Variants in PPP1R1C observed in about 807,000 individuals in gnomAD.
PPP1R1C encodes the protein protein phosphatase 1 regulatory inhibitor subunit 1C, also known as protein phosphatase 1 regulatory subunit 1C.
In PPP1R1C, 15 loss-of-function variants were observed where a neutral mutation model predicts 17.4. The ratio of observed to expected loss-of-function variants is 0.86; its 90% CI spans 0.58 to 1.33. PPP1R1C has a LOEUF of 1.33. Ranked by LOEUF, PPP1R1C falls within the 40% of genes most tolerant of loss-of-function variation. PPP1R1C has a pLI of 0.00. For missense variants in PPP1R1C, 143 were observed against 130.0 expected (o/e 1.10, Z -0.48); for synonymous variants, 35 against 43.1 (o/e 0.81, Z 0.73).
intron 2 of PPP1R1C, among the ~76,000 whole-genome samples, chr2:181,978,903 G>A (rs1050179114): frequency 3.9e-5 from 6 of 152,102 alleles, no homozygotes; most frequent in African/African-American, 1.2e-4. Context: ...CCTAGCTTTT[G>A]AGTCATTCTT....
At chr2:181,980,725 T>C (rs1273105379) in intron 2 of PPP1R1C, among the ~76,000 whole-genome samples, 1 of 152,176 alleles carries the variant, frequency 6.6e-6, no homozygotes, top group Non-Finnish European at 1.5e-5. Flanking sequence ...ATTGAGTGAC[T>C]ACTCAGGAAA....
Position 182,050,235 on chromosome 2 carries a change from GT to G in PPP1R1C, c.143-11204del, listed in dbSNP as rs1687469068. ...AGTTTTATATAGATTATCCCCTATA[GT>G]TTCTACTCAGTTTTCTAGTAACTAT... On this transcript the variant is annotated intron_variant, in intron 2 of 4. Coordinates refer to ENST00000682840, the MANE Select transcript of PPP1R1C (RefSeq NM_001080545.3). Among the ~76,000 whole-genome samples the G allele has an allele frequency of 2.6e-5, 4 of 152,178 alleles. 2 individuals are homozygous for G. In the South Asian group the frequency reaches 8.3e-4, roughly 31 times the overall value.
intron 2 of PPP1R1C, among the ~76,000 whole-genome samples, chr2:182,025,174 AATTATT>A (rs533389640): frequency 3.7e-4 from 55 of 147,566 alleles, no homozygotes; most frequent in African/African-American, 8.4e-4. Context: ...AAGTAAATAA[AATTATT>A]ATTATTATTA....
chr2:182,006,127 G>A (rs1050258428), intron 2 of PPP1R1C, among the ~76,000 whole-genome samples: 1 of 152,094 alleles, frequency 6.6e-6, no homozygotes, highest in Non-Finnish European at 1.5e-5. Flanking sequence ...TGAATTGAGG[G>A]ATGAAGGGTC....
rs1212178735 is a variant in PPP1R1C at position 182,028,044 on chromosome 2, G to A, written c.143-33398G>A. 1.5e-3 allele frequency among the ~76,000 whole-genome samples: 195 copies of A among 128,034 alleles called. 1 individual carries two copies. The highest frequency in any genetic ancestry group is 5.5e-3 in the African/African-American group (185 of 33,578). The allele number at this position is 128,034 out of a possible 152,430, so 84.0% of individuals were successfully genotyped here. On this transcript the variant is annotated intron_variant, in intron 2 of 4. Coordinates refer to ENST00000682840, the MANE Select transcript of PPP1R1C (RefSeq NM_001080545.3). The stretch of plus-strand genomic sequence containing the variant: ...CTGATGGTAGTTTGTATTTCTGTGG[G>A]ATCGGTGGTGATATCCCCTTTATCA...
chr2:182,015,457 A>G (rs1686235233), intron 2 of PPP1R1C, among the ~76,000 whole-genome samples: 1 of 152,098 alleles, frequency 6.6e-6, no homozygotes, highest in Non-Finnish European at 1.5e-5. Context: ...GCAGTGTGCA[A>G]ATGGACTAAT....
intron 5 of PPP1R1C, among the ~76,000 whole-genome samples, chr2:182,127,094 A>G (rs1689893539): frequency 6.6e-6 from 1 of 152,112 alleles, no homozygotes; most frequent in Non-Finnish European, 1.5e-5. Context: ...ACAGAATATT[A>G]GAGTATATTC....
chr2:182,074,041 CTTTTTT>C (rs554848749), intron 4 of PPP1R1C, among the ~76,000 whole-genome samples: 1 of 131,160 alleles, frequency 7.6e-6, no homozygotes. Flanking sequence ...AATTCTTCTT[CTTTTTT>C]TTTTTTTTTT....
chr2:182,072,874 A>G lies in PPP1R1C; in HGVS notation c.241+9083A>G, dbSNP rs559927404. On this transcript the variant is annotated intron_variant, in intron 4 of 4. Transcript: ENST00000682840. ...TCTCCAGCTTCTCTCCCTCTCCCAG[A>G]CAGCTGACCACACAAATCTGACTGT... is the stretch of plus-strand genomic sequence containing the variant. 2.0e-4 allele frequency among the ~76,000 whole-genome samples: 31 copies of G among 152,258 alleles called. 1 individual carries two copies. Among genetic ancestry groups the G allele is most frequent in the African/African-American group, 6.3e-4 (26 of 41,550 alleles).
At chr2:182,001,874 C>T (rs1438600968) in intron 2 of PPP1R1C, among the ~76,000 whole-genome samples, 2 of 152,118 alleles carry the variant, frequency 1.3e-5, no homozygotes, top group African/African-American at 4.8e-5. Context: ...TCCTTTCCCT[C>T]ACCTTATACA....
Position 182,026,658 on chromosome 2 carries a change from C to T in PPP1R1C, c.143-34784C>T, listed in dbSNP as rs1248052947. On this transcript the variant is annotated intron_variant, in intron 2 of 4. Transcript: ENST00000682840. ...TCAGGTAGTGTGATGCCTCCAGCTT[C>T]GTTCTTTTGGCTTAGGATTGACTTG... Among the ~76,000 whole-genome samples, 193 of 152,188 alleles carry T rather than the reference C, an allele frequency of 1.3e-3. 1 individual carries two copies. Among genetic ancestry groups the T allele is most frequent in the African/African-American group, 4.2e-3 (174 of 41,526 alleles).
intron 3 of PPP1R1C, 91 bp from the exon 4 acceptor site, chr2:182,063,640 C>G: frequency 1.0e-6 from 1 of 962,974 alleles, no homozygotes; most frequent in Non-Finnish European, 1.7e-6. Context: ...CTTTTCATAA[C>G]ATGGCACAGT....
intron 5 of PPP1R1C, among the ~76,000 whole-genome samples, chr2:182,124,327 G>GTTTTTTTTTTGTTTTTTTTTTTTTTT (rs1689816316): frequency 1.2e-5 from 1 of 83,008 alleles, no homozygotes; most frequent in Non-Finnish European, 2.2e-5. Flanking sequence ...TTTTTTTTTT[G>GTTTTTTTTTTGTTTTTTTTTTTTTTT]TTTTTTTTTT....
intron 4 of PPP1R1C, chr2:182,103,492 T>C (rs554014258): frequency 6.6e-6 from 1 of 152,202 alleles, no homozygotes; most frequent in African/African-American, 2.4e-5. Context: ...TGATGTTACA[T>C]GTGGAAGACA....
intron 2 of PPP1R1C, among the ~76,000 whole-genome samples, chr2:182,017,438 C>A (rs990018099): frequency 3.3e-5 from 5 of 151,924 alleles, no homozygotes; most frequent in Non-Finnish European, 7.4e-5. Flanking sequence ...ATACTTATTT[C>A]TCCTTGCTCA....
intron 2 of PPP1R1C, among the ~76,000 whole-genome samples, chr2:182,056,121 A>C (rs924459850): frequency 1.3e-5 from 2 of 152,166 alleles, no homozygotes; most frequent in Non-Finnish European, 2.9e-5. Context: ...CTTGTTCTAA[A>C]ATGACCACTT....
chr2:182,108,320 T>C (rs1574458775), intron 4 of PPP1R1C, among the ~76,000 whole-genome samples: 1 of 152,172 alleles, frequency 6.6e-6, no homozygotes, highest in Non-Finnish European at 1.5e-5. Context: ...GTTGGGTACA[T>C]TCACTGCTTT....
chr2:182,077,076 G>C (rs892243357), intron 4 of PPP1R1C, among the ~76,000 whole-genome samples: 1 of 152,100 alleles, frequency 6.6e-6, no homozygotes, highest in African/African-American at 2.4e-5. Context: ...AAAACTTCTA[G>C]TCTACCTTCA....
At chr2:182,020,108 T>A (rs16822346) in intron 2 of PPP1R1C, among the ~76,000 whole-genome samples, 6 of 152,188 alleles carry the variant, frequency 3.9e-5, no homozygotes, top group Admixed American at 3.9e-4. Flanking sequence ...AGGAGATTGC[T>A]GATGACTGTA....
Sources: gnomAD v4.1 joint callset for allele counts (sites outside exome capture counted in the v4.1 genomes callset) on GRCh38, gnomAD v4.1.1 for gene constraint, MANE v1.5 for transcripts, NCBI Gene and HGNC (gene_info 2026-07-23, HGNC 2026-07-21) for gene names.